ADGB: variants seen among roughly 807,000 people sequenced by gnomAD.
The protein encoded by ADGB is calpain-7-like protein.
A neutral mutation model predicts 210.5 loss-of-function variants in ADGB; 172 were observed. The ratio of observed to expected loss-of-function variants is 0.82; its 90% CI spans 0.72 to 0.93. The LOEUF is 0.93. Among genes scored for constraint, ADGB ranks in the 40% least tolerant of loss-of-function variants. The pLI is 0.00. For missense variants in ADGB, 2,025 were observed against 1,964.8 expected (o/e 1.03, Z -0.58); for synonymous variants, 658 against 662.7 (o/e 0.99, Z 0.11).
chr6:146,775,312 T>A (rs1222181819), intron 29 of ADGB, among the ~76,000 whole-genome samples: 1 of 152,146 alleles, frequency 6.6e-6, no homozygotes, highest in East Asian at 1.9e-4. Context: ...GAATAAGGCT[T>A]GAAATAATGG....
intron 9 of ADGB, among the ~76,000 whole-genome samples, chr6:146,684,051 T>C (rs12661435): frequency 0.01 from 1,572 of 152,152 alleles, 80 homozygotes; most frequent in Admixed American, 0.09. Flanking sequence ...TCAAACATTA[T>C]GTAAGGTGTG....
chr6:146,744,329 C>T (rs1368199608), intron 25 of ADGB, among the ~76,000 whole-genome samples: 1 of 152,206 alleles, frequency 6.6e-6, no homozygotes, highest in African/African-American at 2.4e-5. Flanking sequence ...TTCTGCCCAG[C>T]AGGCTCATCC....
At chr6:146,786,458 T>C (rs553056412) in intron 32 of ADGB, among the ~76,000 whole-genome samples, 9 of 152,224 alleles carry the variant, frequency 5.9e-5, no homozygotes, top group African/African-American at 1.4e-4. Context: ...AATTCAATAA[T>C]TGTTATAAAA....
chr6:146,752,189 C>A (rs1777333010), intron 26 of ADGB, among the ~76,000 whole-genome samples: 1 of 151,934 alleles, frequency 6.6e-6, no homozygotes, highest in Admixed American at 6.6e-5. Flanking sequence ...CCTCAGGAAG[C>A]TTCCAATCAT....
rs147774391 is a variant in ADGB, at chr6:146,764,933, G to A, written c.3750+833G>A. Among the ~76,000 whole-genome samples the A allele has an allele frequency of 2.4e-4, 36 of 152,148 alleles. No individual in the cohort carries two copies. The East Asian group carries it at 5.6e-3, about 24-fold the overall frequency. On this transcript the variant is annotated intron_variant, in intron 28 of 35. Coordinates refer to ENST00000397944, the MANE Select transcript of ADGB (RefSeq NM_024694.4). ...TCCTGCCTCAGCCTCCTGAGTAACT[G>A]GGATTTCAGGTGCCTGCCACCACAC...
At chr6:146,637,114 T>TGA (rs539481112) in intron 2 of ADGB, among the ~76,000 whole-genome samples, 2 of 152,058 alleles carry the variant, frequency 1.3e-5, no homozygotes, top group Non-Finnish European at 2.9e-5. Flanking sequence ...AACTTCTTAA[T>TGA]GAGGGAGGCC....
chr6:146,609,755 G>A (rs1287203136), intron 1 of ADGB, among the ~76,000 whole-genome samples: 2 of 152,120 alleles, frequency 1.3e-5, no homozygotes, highest in African/African-American at 2.4e-5. Flanking sequence ...TTTACTTTAA[G>A]GATCTTGAAT....
At position 146,803,578 on chromosome 6, in the gene ADGB, G is replaced by A; in HGVS notation, c.4818+1567G>A. 3 of 1,456,318 alleles carry A rather than the reference G, an allele frequency of 2.1e-6. No individual in the cohort carries two copies. The East Asian group carries it at 6.8e-5, about 33-fold the overall frequency. 90.2% of individuals were successfully genotyped at this position (1,456,318 alleles called of 1,614,324 possible). ...ATTTATGTAAGCAGCCAACTGTTTT[G>A]GAGACTTCTTAACCTCCTTCATGTT... On this transcript the variant is annotated intron_variant, in intron 35 of 35. Coordinates refer to ENST00000397944, the MANE Select transcript of ADGB (RefSeq NM_024694.4).
intron 27 of ADGB, among the ~76,000 whole-genome samples, chr6:146,757,501 G>T (rs2114617667): frequency 6.6e-6 from 1 of 151,684 alleles, no homozygotes; most frequent in East Asian, 1.9e-4. Context: ...ATATCCATTT[G>T]TAGAAAAGTC....
intron 8 of ADGB, among the ~76,000 whole-genome samples, chr6:146,674,300 G>A (rs755758681): frequency 1.9e-4 from 29 of 152,036 alleles, no homozygotes; most frequent in South Asian, 6.2e-4. Flanking sequence ...AGCTGATAGA[G>A]AAGAATGTGG....
chr6:146,770,714 C>T (rs1186607713), intron 29 of ADGB: 6 of 400,050 alleles, frequency 1.5e-5, no homozygotes, highest in Non-Finnish European at 3.3e-5. Context: ...CAATATTCCA[C>T]GTAGACACAG....
rs1168844882 is a variant in ADGB, at chr6:146,785,838, T to C, written c.4315+126T>C. On this transcript the variant is annotated intron_variant, in intron 32 of 35. Transcript: ENST00000397944. ...TTTCAGAATCTCGTTTCTTGAGGAT[T>C]ATAAAAAGTCGCACAATTTCAGATA... 17 of 710,104 alleles carry C rather than the reference T, an allele frequency of 2.4e-5. No individual in the cohort carries two copies. In the East Asian group the frequency reaches 4.7e-4, roughly 19 times the overall value. 44.0% of individuals were successfully genotyped at this position (710,104 alleles called of 1,614,324 possible).
intron 13 of ADGB, among the ~76,000 whole-genome samples, chr6:146,707,426 A>G (rs1776588794): frequency 6.6e-6 from 1 of 152,106 alleles, no homozygotes; most frequent in Admixed American, 6.5e-5. Context: ...TTGCTGAAAG[A>G]GGAGTACTGA....
intron 29 of ADGB, among the ~76,000 whole-genome samples, chr6:146,777,758 A>G (rs1777742020): frequency 6.6e-6 from 1 of 152,192 alleles, no homozygotes. Flanking sequence ...CTTCTCTGAC[A>G]AAAGGGAAAA....
intron 29 of ADGB, among the ~76,000 whole-genome samples, chr6:146,775,156 G>A (rs1006338101): frequency 6.6e-6 from 1 of 152,050 alleles, no homozygotes; most frequent in African/African-American, 2.4e-5. Flanking sequence ...TAGTACACTG[G>A]TGACCTAAGT....
chr6:146,807,166 AT>A (rs1221233194), intron 35 of ADGB, among the ~76,000 whole-genome samples: 3 of 152,122 alleles, frequency 2.0e-5, no homozygotes, highest in Non-Finnish European at 2.9e-5. Flanking sequence ...TGTTTTGACT[AT>A]TTTTTCTACA....
chr6:146,664,969 G>T (rs1160838411), intron 6 of ADGB, among the ~76,000 whole-genome samples: 1 of 152,040 alleles, frequency 6.6e-6, no homozygotes, highest in Admixed American at 6.6e-5. Context: ...GAGAAAAGGA[G>T]TCATACCATC....
intron 13 of ADGB, among the ~76,000 whole-genome samples, chr6:146,704,159 GTT>G (rs1035980959): frequency 9.2e-5 from 14 of 151,560 alleles, no homozygotes; most frequent in African/African-American, 3.1e-4. Context: ...CAATTGGGTT[GTT>G]TCCTTGATGA....
At chr6:146,602,552 G>T (rs1313256217) in intron 1 of ADGB, among the ~76,000 whole-genome samples, 2 of 152,150 alleles carry the variant, frequency 1.3e-5, no homozygotes, top group African/African-American at 4.8e-5. Context: ...GAATACCATA[G>T]ATTGGATAGG....
Sources: allele counts gnomAD v4.1 joint callset (sites outside exome capture counted in the v4.1 genomes callset), GRCh38; gene constraint gnomAD v4.1.1; transcripts MANE v1.5; gene names NCBI Gene and HGNC (gene_info 2026-07-23, HGNC 2026-07-21).